The following PCDHA8 variants were observed in gnomAD, a reference collection of about 807,000 sequenced individuals.
PCDHA8 encodes the protein protocadherin alpha 8.
PCDHA8 carries 53 observed loss-of-function variants against 61.8 expected under a neutral mutation model. The ratio of observed to expected loss-of-function variants is 0.86; its 90% CI spans 0.69 to 1.08. PCDHA8 has a LOEUF of 1.08. PCDHA8 is among the 50% of genes least tolerant of loss of function. The pLI is 0.00. For synonymous variants in PCDHA8, 618 were observed against 556.6 expected (o/e 1.11, Z -1.55); for missense variants, 1,293 against 1,245.0 (o/e 1.04, Z -0.58).
At chr5:140,869,139 A>C (rs2050869640) in intron 1 of PCDHA8, 1 of 1,613,156 alleles carries the variant, frequency 6.2e-7, no homozygotes, top group Admixed American at 1.7e-5. Flanking sequence ...TGGGCACCCC[A>C]CGACTACAGC....
chr5:140,870,118 A>C, intron 1 of PCDHA8: 1 of 1,613,892 alleles, frequency 6.2e-7, no homozygotes, highest in Non-Finnish European at 8.5e-7. Context: ...CTGGGTGGAA[A>C]TCTTGGACAC....
intron 1 of PCDHA8, chr5:140,882,939 G>T: frequency 2.5e-6 from 4 of 1,614,164 alleles, no homozygotes; most frequent in Non-Finnish European, 3.4e-6. Context: ...GAGCTGACTG[G>T]CACAGTTCAG....
chr5:140,898,147 C>T (rs2066556304), intron 1 of PCDHA8, among the ~76,000 whole-genome samples: 1 of 152,150 alleles, frequency 6.6e-6, no homozygotes, highest in African/African-American at 2.4e-5. Flanking sequence ...GTTGCCTGTT[C>T]ACGCTGATGG....
At chr5:140,920,136 C>T (rs1554199437) in intron 1 of PCDHA8, among the ~76,000 whole-genome samples, 1 of 152,182 alleles carries the variant, frequency 6.6e-6, no homozygotes, top group African/African-American at 2.4e-5. Flanking sequence ...TTTAATTCTC[C>T]TCTCCAAACC....
In PCDHA8 at chr5:140,841,673, C is replaced by T; in HGVS notation, c.352C>T (p.His118Tyr). The change falls in exon 1 of 4, where the codon CAT becomes TAT. Residue 118 changes from histidine to tyrosine, a missense_variant. Transcript: ENST00000531613. ...VIVDRPLQVF[H>Y]VDVEVKDVND... ...CGTGGACAGGCCGCTGCAGGTTTTCCATGTGGACGTGGAGGTGAAGGATGT... is the reference window on the plus strand; with the variant it reads ...CGTGGACAGGCCGCTGCAGGTTTTCTATGTGGACGTGGAGGTGAAGGATGT... 1.2e-6 allele frequency: 2 copies of T among 1,614,024 alleles called. No individual in the cohort carries two copies. The highest frequency in any genetic ancestry group is 1.7e-6 in the Non-Finnish European group (2 of 1,179,944).
At chr5:140,877,357 G>A in intron 1 of PCDHA8, 2 of 1,614,020 alleles carry the variant, frequency 1.2e-6, no homozygotes, top group African/African-American at 2.7e-5. Flanking sequence ...GCTGTACACT[G>A]GCGAGATCAG....
intron 1 of PCDHA8, chr5:140,930,195 G>A (rs1427541259): frequency 6.6e-6 from 1 of 152,140 alleles, no homozygotes; most frequent in East Asian, 1.9e-4. Context: ...TAATTTTTAT[G>A]TCAGAAATAT....
intron 1 of PCDHA8, chr5:140,870,855 G>T: frequency 3.7e-6 from 6 of 1,613,910 alleles, no homozygotes; most frequent in East Asian, 2.2e-5. Context: ...CGCGGTCGGT[G>T]GGTGCGGGCC....
At chr5:140,912,170 T>C (rs961907962) in intron 1 of PCDHA8, among the ~76,000 whole-genome samples, 6 of 152,202 alleles carry the variant, frequency 3.9e-5, no homozygotes, top group African/African-American at 9.7e-5. Flanking sequence ...CTGGCTGTGC[T>C]GGCAGCTGAT....
chr5:140,966,947 G>C (rs782439197), intron 1 of PCDHA8: 2 of 1,603,404 alleles, frequency 1.2e-6, no homozygotes, highest in East Asian at 2.2e-5. Flanking sequence ...CGTGGGCAAC[G>C]TGGCTCGCGC....
intron 1 of PCDHA8, among the ~76,000 whole-genome samples, chr5:140,962,617 G>A (rs189225320): frequency 3.8e-4 from 58 of 152,276 alleles, no homozygotes; most frequent in Non-Finnish European, 1.9e-4. Context: ...GAGGAAGGGA[G>A]ATGTGAAAAA....
rs782761972 is a variant in PCDHA8, at chr5:140,927,978, T to C, written c.2395-50971T>C. 9.9e-6 allele frequency: 16 copies of C among 1,614,092 alleles called. No individual in the cohort carries two copies. In the East Asian group the frequency reaches 1.8e-4, roughly 18 times the overall value. ...CCCCTGGCACAGTGATTGCTCTCTTTAGTGTAAAGGATGAAGACCTCGATT... is the reference window on the plus strand; with the variant it reads ...CCCCTGGCACAGTGATTGCTCTCTTCAGTGTAAAGGATGAAGACCTCGATT... On this transcript the variant is annotated intron_variant, in intron 1 of 3. Coordinates refer to ENST00000531613, the MANE Select transcript of PCDHA8 (RefSeq NM_018911.3).
intron 1 of PCDHA8, among the ~76,000 whole-genome samples, chr5:140,957,433 A>G (rs2095359030): frequency 6.6e-6 from 1 of 152,202 alleles, no homozygotes; most frequent in Non-Finnish European, 1.5e-5. Flanking sequence ...TACTGTGCCT[A>G]ATTTATAAAT....
intron 1 of PCDHA8, 195 bp downstream of exon 1, chr5:140,843,910 G>A (rs2150367527): frequency 2.4e-5 from 15 of 636,386 alleles, no homozygotes; most frequent in Non-Finnish European, 3.7e-5. Flanking sequence ...CACAAGTTGG[G>A]TCTATCTTGA....
At chr5:140,978,570 G>A (rs151127662) in intron 1 of PCDHA8, among the ~76,000 whole-genome samples, 216 of 152,314 alleles carry the variant, frequency 1.4e-3, no homozygotes, top group African/African-American at 4.9e-3. Flanking sequence ...CTGTAATACT[G>A]AATTGGGAAT....
At chr5:140,962,710 T>C (rs2095702479) in intron 1 of PCDHA8, among the ~76,000 whole-genome samples, 1 of 152,246 alleles carries the variant, frequency 6.6e-6, no homozygotes, top group South Asian at 2.1e-4. Context: ...ATAATCATAT[T>C]GGAAAGTATT....
intron 1 of PCDHA8, among the ~76,000 whole-genome samples, chr5:140,890,615 C>A (rs1266338521): frequency 6.6e-6 from 1 of 152,026 alleles, no homozygotes; most frequent in Non-Finnish European, 1.5e-5. Context: ...AGTGCTTACC[C>A]TAGAAAATTA....
chr5:140,927,933 C>G (rs1273187123), intron 1 of PCDHA8: 2 of 1,614,208 alleles, frequency 1.2e-6, no homozygotes, highest in East Asian at 4.5e-5. Context: ...CTCTTTCGAA[C>G]CCAGTACCTG....
chr5:140,849,774 G>T (rs2150449369), intron 1 of PCDHA8: 2 of 1,598,482 alleles, frequency 1.3e-6, no homozygotes, highest in East Asian at 4.5e-5. Context: ...GGTGGTTACC[G>T]CGCGGGACGG....
Sources: gnomAD v4.1 joint callset for allele counts (sites outside exome capture counted in the v4.1 genomes callset) on GRCh38, gnomAD v4.1.1 for gene constraint, MANE v1.5 for transcripts, NCBI Gene and HGNC (gene_info 2026-07-23, HGNC 2026-07-21) for gene names.